The following PCDH9 variants were observed in gnomAD, a reference collection of about 807,000 sequenced individuals.
PCDH9 encodes protocadherin-9.
Under a neutral mutation model 70.6 loss-of-function variants are expected in PCDH9, and 24 were observed. The ratio of observed to expected loss-of-function variants is 0.34; its 90% CI spans 0.25 to 0.48. PCDH9 has a LOEUF of 0.48. Ranked by LOEUF, PCDH9 falls within the 20% of genes least tolerant of loss-of-function variation. The pLI, the probability that PCDH9 is intolerant of heterozygous loss-of-function variation, is 0.99. For missense variants in PCDH9, 1,281 were observed against 1,503.6 expected (o/e 0.85, Z 2.45); for synonymous variants, 562 against 558.5 (o/e 1.01, Z -0.09).
intron 3 of PCDH9, among the ~76,000 whole-genome samples, chr13:66,737,051 G>A (rs977987510): frequency 6.6e-6 from 1 of 152,056 alleles, no homozygotes; most frequent in Non-Finnish European, 1.5e-5. Context: ...GTAGTGCCTT[G>A]AATAAAATAA....
chr13:66,335,787 A>G (rs1423988688), intron 4 of PCDH9, among the ~76,000 whole-genome samples: 2 of 152,070 alleles, frequency 1.3e-5, no homozygotes, highest in African/African-American at 2.4e-5. Flanking sequence ...TTTAACAATA[A>G]ATAAGAGGAA....
chr13:66,498,714 G>GA (rs199539763), intron 4 of PCDH9, among the ~76,000 whole-genome samples: 1 of 151,882 alleles, frequency 6.6e-6, no homozygotes, highest in African/African-American at 2.4e-5. Flanking sequence ...ATAAGGTCCT[G>GA]AAAAAATTTT....
At chr13:66,954,902 T>A (rs1481021090) in intron 2 of PCDH9, among the ~76,000 whole-genome samples, 1 of 152,230 alleles carries the variant, frequency 6.6e-6, no homozygotes, top group African/African-American at 2.4e-5. Flanking sequence ...TAGCTGGGAC[T>A]ACAGGCGCCT....
chr13:66,433,695 A>G (rs1302261465), intron 4 of PCDH9, among the ~76,000 whole-genome samples: 2 of 151,866 alleles, frequency 1.3e-5, no homozygotes, highest in African/African-American at 2.4e-5. Flanking sequence ...ATGCATTGCT[A>G]TGCTAGGTAT....
At position 66,908,276 on chromosome 13, in the gene PCDH9, T is replaced by C. The variant is rs56678192; in HGVS notation, c.3037-4671A>G. Among the ~76,000 whole-genome samples, 1,235 of 152,316 alleles carry C rather than the reference T, an allele frequency of 8.1e-3. 21 individuals carry two copies. The highest frequency in any genetic ancestry group is 0.028 in the African/African-American group (1,148 of 41,568). On this transcript the variant is annotated intron_variant, in intron 2 of 4. Transcript: ENST00000377865. ...CTAAGTACTACCTCTTCTTGTTTCA[T>C]TTATGTACTGGCCTTCAAGGATGCT... is the stretch of plus-strand genomic sequence containing the variant.
At chr13:66,708,638 T>C (rs1593929575) in intron 3 of PCDH9, among the ~76,000 whole-genome samples, 2 of 152,168 alleles carry the variant, frequency 1.3e-5, no homozygotes, top group Admixed American at 1.3e-4. Context: ...CAGTGAGTCA[T>C]TTTTCATATC....
intron 2 of PCDH9, among the ~76,000 whole-genome samples, chr13:67,167,603 G>A (rs974484665): frequency 1.3e-5 from 2 of 152,036 alleles, no homozygotes; most frequent in Non-Finnish European, 2.9e-5. Flanking sequence ...ATTCCCTTGT[G>A]GCAGGAAAAT....
intron 2 of PCDH9, among the ~76,000 whole-genome samples, chr13:67,069,422 C>T (rs552512238): frequency 6.6e-6 from 1 of 152,262 alleles, no homozygotes; most frequent in African/African-American, 2.4e-5. Context: ...ATTCTATTCA[C>T]CTGTACAATT....
intron 4 of PCDH9, among the ~76,000 whole-genome samples, chr13:66,345,105 G>C (rs1479868401): frequency 6.6e-6 from 1 of 152,126 alleles, no homozygotes; most frequent in Non-Finnish European, 1.5e-5. Flanking sequence ...AGGGCAGCCT[G>C]AGATGTATAA....
intron 2 of PCDH9, among the ~76,000 whole-genome samples, chr13:67,167,647 C>T (rs917238236): frequency 2.0e-5 from 3 of 152,124 alleles, no homozygotes; most frequent in Non-Finnish European, 4.4e-5. Context: ...AAATAATGGA[C>T]TGAGGCCCAG....
In PCDH9 at chr13:66,429,813, T is replaced by C. The variant is rs61957609; in HGVS notation, c.3341-124785A>G. 2.1e-3 allele frequency among the ~76,000 whole-genome samples: 313 copies of C among 152,242 alleles called. 1 individual carries two copies. Among genetic ancestry groups the C allele is most frequent in the Non-Finnish European group, 3.7e-3 (249 of 67,982 alleles). On this transcript the variant is annotated intron_variant, in intron 4 of 4. Coordinates refer to ENST00000377865, the MANE Select transcript of PCDH9 (RefSeq NM_203487.3). ...GACAAGGGCACATCAGTGATTGCTG[T>C]TGATAGTCAAGGACAGTTTGTTAGA...
chr13:67,110,267 T>G (rs953340165), intron 2 of PCDH9, among the ~76,000 whole-genome samples: 1 of 151,818 alleles, frequency 6.6e-6, no homozygotes, highest in South Asian at 2.1e-4. Flanking sequence ...CTGACACCTG[T>G]AATCCCAGCA....
intron 3 of PCDH9, among the ~76,000 whole-genome samples, chr13:66,637,939 T>A (rs760976909): frequency 6.6e-6 from 1 of 152,072 alleles, no homozygotes; most frequent in Non-Finnish European, 1.5e-5. Flanking sequence ...AAATTTAATT[T>A]TCTATTTTAG....
chr13:67,020,171 A>C (rs1170514289), intron 2 of PCDH9, among the ~76,000 whole-genome samples: 2 of 152,148 alleles, frequency 1.3e-5, no homozygotes, highest in East Asian at 3.9e-4. Context: ...ACTGCTTACA[A>C]ACAGAATCTA....
chr13:66,896,030 T>C (rs9564358), intron 3 of PCDH9, among the ~76,000 whole-genome samples: 37,628 of 152,094 alleles, frequency 0.25, 5,668 homozygotes, highest in East Asian at 0.38. Flanking sequence ...TTTGGTGCTG[T>C]CCATCAAGCC....
intron 2 of PCDH9, among the ~76,000 whole-genome samples, chr13:67,173,604 C>A (rs1290715830): frequency 6.6e-6 from 1 of 152,088 alleles, no homozygotes; most frequent in Non-Finnish European, 1.5e-5. Flanking sequence ...TCCCAAGAGC[C>A]TCTGGTATAC....
chr13:67,074,052 CTAT>C, intron 2 of PCDH9, among the ~76,000 whole-genome samples: 1 of 149,164 alleles, frequency 6.7e-6, no homozygotes, highest in East Asian at 1.9e-4. Flanking sequence ...ATCTATCTAT[CTAT>C]CTATCTATCT....
At chr13:66,543,807 G>A (rs888357032) in intron 4 of PCDH9, among the ~76,000 whole-genome samples, 3 of 152,152 alleles carry the variant, frequency 2.0e-5, no homozygotes, top group African/African-American at 7.2e-5. Context: ...GTGGTGCTGT[G>A]CTACAAGAGC....
chr13:67,090,245 G>A (rs772826986), intron 2 of PCDH9, among the ~76,000 whole-genome samples: 2 of 151,938 alleles, frequency 1.3e-5, no homozygotes, highest in Non-Finnish European at 2.9e-5. Flanking sequence ...GAGGGAACTT[G>A]TGAAAATGCA....
Sources: gnomAD v4.1 joint callset for allele counts (sites outside exome capture counted in the v4.1 genomes callset) on GRCh38, gnomAD v4.1.1 for gene constraint, MANE v1.5 for transcripts, NCBI Gene and HGNC (gene_info 2026-07-23, HGNC 2026-07-21) for gene names.